The following DOCK1 variants were observed in gnomAD, a reference collection of about 807,000 sequenced individuals.
DOCK1 encodes dedicator of cytokinesis protein 1.
A neutral mutation model predicts 262.7 loss-of-function variants in DOCK1; 138 were observed. That is an observed-to-expected ratio of 0.53 (90% CI 0.46 to 0.61). The LOEUF is 0.61. DOCK1 is among the 20% of genes least tolerant of loss of function. The pLI is 0.00. For missense variants in DOCK1, 1,908 were observed against 2,370.7 expected (o/e 0.80, Z 4.05); for synonymous variants, 866 against 867.4 (o/e 1.00, Z 0.03).
At chr10:127,245,736 C>A (rs556388835) in intron 27 of DOCK1, among the ~76,000 whole-genome samples, 1 of 152,310 alleles carries the variant, frequency 6.6e-6, no homozygotes, top group South Asian at 2.1e-4. Flanking sequence ...TAGTGTTACT[C>A]TGTGCTCATA....
chr10:126,984,535 GTT>G (rs1185507800), intron 4 of DOCK1, among the ~76,000 whole-genome samples: 2 of 141,756 alleles, frequency 1.4e-5, no homozygotes, highest in Admixed American at 7.1e-5. Flanking sequence ...GTGTGTGTGT[GTT>G]TTTTTTTTTT....
At chr10:127,369,373 A>C (rs1466235998) in intron 33 of DOCK1, among the ~76,000 whole-genome samples, 1 of 152,216 alleles carries the variant, frequency 6.6e-6, no homozygotes, top group African/African-American at 2.4e-5. Context: ...CATTGAATCC[A>C]GACCCAAAGA....
At chr10:127,312,910 C>A (rs550961488) in intron 29 of DOCK1, among the ~76,000 whole-genome samples, 1 of 152,070 alleles carries the variant, frequency 6.6e-6, no homozygotes, top group African/African-American at 2.4e-5. Context: ...ACTGAGACCA[C>A]TTCTCTCTCC....
chr10:127,171,670 G>GC (rs1173260942), intron 27 of DOCK1, among the ~76,000 whole-genome samples: 4 of 152,062 alleles, frequency 2.6e-5, no homozygotes, highest in African/African-American at 9.7e-5. Flanking sequence ...TGATTTGTAG[G>GC]CTTTAGAATA....
intron 3 of DOCK1, among the ~76,000 whole-genome samples, chr10:126,979,272 G>A (rs868741325): frequency 1.3e-5 from 2 of 152,180 alleles, no homozygotes; most frequent in African/African-American, 2.4e-5. Context: ...TGTAGGCCCA[G>A]CTACTTGAGA....
chr10:127,206,021 C>G (rs1360491174), intron 27 of DOCK1, among the ~76,000 whole-genome samples: 1 of 152,034 alleles, frequency 6.6e-6, no homozygotes, highest in Non-Finnish European at 1.5e-5. Flanking sequence ...AGGCTACCTT[C>G]AGATAACCAC....
chr10:127,315,046 C>T (rs1449172679), intron 29 of DOCK1, among the ~76,000 whole-genome samples: 2 of 151,992 alleles, frequency 1.3e-5, no homozygotes, highest in Non-Finnish European at 2.9e-5. Flanking sequence ...TCCGCTCCTC[C>T]TGGCCCAGGG....
intron 30 of DOCK1, among the ~76,000 whole-genome samples, chr10:127,341,590 T>C (rs1393840547): frequency 2.0e-5 from 3 of 152,240 alleles, no homozygotes; most frequent in Non-Finnish European, 4.4e-5. Flanking sequence ...GGTTTTTTTC[T>C]AGGTCAGGTC....
intron 27 of DOCK1, among the ~76,000 whole-genome samples, chr10:127,212,719 T>C (rs868800569): frequency 1.3e-5 from 2 of 150,412 alleles, no homozygotes; most frequent in Non-Finnish European, 1.5e-5. Context: ...CTGACCATGA[T>C]GGCAGCTTCT....
At chr10:127,017,270 T>C (rs2042044572) in intron 12 of DOCK1, among the ~76,000 whole-genome samples, 3 of 98,968 alleles carry the variant, frequency 3.0e-5, no homozygotes, top group African/African-American at 1.3e-4. Context: ...CAGATATACA[T>C]ATAGACACAC....
chr10:127,413,913 GAA>G (rs201782090), intron 43 of DOCK1, among the ~76,000 whole-genome samples: 3 of 140,988 alleles, frequency 2.1e-5, no homozygotes, highest in Admixed American at 7.3e-5. Flanking sequence ...TCAGTTTTCT[GAA>G]AATTTTTTTT....
rs1347635993 is a variant in DOCK1 at position 127,402,999 on chromosome 10, C to A, written c.3928-56C>A. 3 of 1,478,202 alleles carry A rather than the reference C, an allele frequency of 2.0e-6. No individual in the cohort carries two copies. The African/African-American group carries it at 4.2e-5, about 21-fold the overall frequency. The allele number at this position is 1,478,202 out of a possible 1,614,324, so 91.6% of individuals were successfully genotyped here. The stretch of plus-strand genomic sequence containing the variant: ...TTTGAATGATTGCATTCCTGTTTGA[C>A]TCTTTGCACAATTCAGGCCTCGGCT... On this transcript the variant is annotated intron_variant, in intron 38 of 51. Coordinates refer to ENST00000623213, the MANE Select transcript of DOCK1 (RefSeq NM_001290223.2).
intron 35 of DOCK1, 55 bp from the exon 36 acceptor site, chr10:127,380,027 T>G (rs2065740547): frequency 8.2e-7 from 1 of 1,219,048 alleles, no homozygotes; most frequent in Admixed American, 2.0e-5. Context: ...ATTGTGCATG[T>G]GATACCTTTT....
intron 29 of DOCK1, among the ~76,000 whole-genome samples, chr10:127,284,381 G>T: frequency 6.6e-6 from 1 of 151,886 alleles, no homozygotes; most frequent in African/African-American, 2.4e-5. Context: ...AAATTTGATA[G>T]ACCATTTTAG....
chr10:127,256,303 G>C (rs976307194), intron 28 of DOCK1, among the ~76,000 whole-genome samples: 1 of 152,160 alleles, frequency 6.6e-6, no homozygotes, highest in Non-Finnish European at 1.5e-5. Context: ...TTAGAACTTC[G>C]TACTGGGAAT....
At chr10:127,280,319 C>T (rs924288067) in intron 29 of DOCK1, among the ~76,000 whole-genome samples, 7 of 152,084 alleles carry the variant, frequency 4.6e-5, no homozygotes, top group African/African-American at 1.7e-4. Context: ...CAGGCGTGAG[C>T]CACCGCGCCC....
At chr10:127,228,993 G>T (rs2058741615) in intron 27 of DOCK1, among the ~76,000 whole-genome samples, 1 of 152,128 alleles carries the variant, frequency 6.6e-6, no homozygotes, top group African/African-American at 2.4e-5. Context: ...AGCACTCTGG[G>T]AGGCTTAGGC....
At chr10:127,421,610 A>G (rs966629327) in intron 46 of DOCK1, among the ~76,000 whole-genome samples, 3 of 152,080 alleles carry the variant, frequency 2.0e-5, no homozygotes, top group East Asian at 1.9e-4. Flanking sequence ...CTCTCTACCC[A>G]TTGAACGACT....
rs1429186588 is a variant in DOCK1, at chr10:126,960,745, T to TATATATATATATATATATAC, written c.47-9956_47-9955insTATATATATATATATATACA. The stretch of plus-strand genomic sequence containing the variant: ...TCAAATATATATATATATATATATA[T>TATATATATATATATATATAC]ACACACACACACACACAGACACATA... On this transcript the variant is annotated intron_variant, in intron 1 of 51. Transcript: ENST00000623213. Among the ~76,000 whole-genome samples the TATATATATATATATATATAC allele has an allele frequency of 3.7e-3, 426 of 115,306 alleles. 2 individuals carry two copies. The highest frequency in any genetic ancestry group is 4.5e-3 in the Non-Finnish European group (253 of 56,296). The allele number at this position is 115,306 out of a possible 152,430, so 75.6% of individuals were successfully genotyped here.
Sources: gnomAD v4.1 joint callset for allele counts (sites outside exome capture counted in the v4.1 genomes callset) on GRCh38, gnomAD v4.1.1 for gene constraint, MANE v1.5 for transcripts, NCBI Gene and HGNC (gene_info 2026-07-23, HGNC 2026-07-21) for gene names.